The following MYO1D variants were observed in gnomAD, a reference collection of about 807,000 sequenced individuals.
The protein encoded by MYO1D is unconventional myosin-Id.
MYO1D carries 83 observed loss-of-function variants against 122.0 expected under a neutral mutation model. The ratio of observed to expected loss-of-function variants is 0.68; its 90% CI spans 0.57 to 0.82. The LOEUF (loss-of-function observed/expected upper bound fraction) is 0.82, where lower values mean the gene tolerates loss of function less well. MYO1D is among the 40% of genes least tolerant of loss of function. MYO1D has a pLI of 0.00. For synonymous variants in MYO1D, 464 were observed against 446.9 expected (o/e 1.04, Z -0.48); for missense variants, 1,157 against 1,269.5 (o/e 0.91, Z 1.35).
chr17:32,704,777 A>G (rs1471666109), intron 16 of MYO1D, among the ~76,000 whole-genome samples: 1 of 152,188 alleles, frequency 6.6e-6, no homozygotes, highest in Non-Finnish European at 1.5e-5. Flanking sequence ...GGAAATGCAG[A>G]TTGAGGAATC....
At chr17:32,530,950 T>C (rs1910491311) in intron 21 of MYO1D, among the ~76,000 whole-genome samples, 1 of 151,960 alleles carries the variant, frequency 6.6e-6, no homozygotes, top group African/African-American at 2.4e-5. Flanking sequence ...TTGAGTATAA[T>C]TGACATTGGT....
At chr17:32,629,175 A>G (rs570084050) in intron 20 of MYO1D, among the ~76,000 whole-genome samples, 2 of 152,354 alleles carry the variant, frequency 1.3e-5, no homozygotes, top group African/African-American at 4.8e-5. Flanking sequence ...AAAAGGCACA[A>G]CTGTAGAGAC....
At chr17:32,510,426 T>C (rs1393338665) in intron 21 of MYO1D, 1 of 152,268 alleles carries the variant, frequency 6.6e-6, no homozygotes, top group East Asian at 1.9e-4. Flanking sequence ...CCTTGGCCTT[T>C]GTCTGGCCAG....
chr17:32,808,318 T>A (rs1021591230), intron 1 of MYO1D, among the ~76,000 whole-genome samples: 1 of 149,016 alleles, frequency 6.7e-6, no homozygotes, highest in African/African-American at 2.5e-5. Flanking sequence ...GAGGCTGCAG[T>A]GAGATATGAT....
At position 32,765,011 on chromosome 17, in the gene MYO1D, G is replaced by A; in HGVS notation, c.902C>T (p.Ala301Val). The A allele has an allele frequency of 1.9e-6, 3 of 1,614,014 alleles. No individual in the cohort carries two copies. Among genetic ancestry groups the A allele is most frequent in the Non-Finnish European group, 2.5e-6 (3 of 1,179,914 alleles). Residue 301 changes from alanine to valine, a missense_variant, in exon 8 of 22, where the codon GCA (alanine) becomes GTA (valine). Physicochemically the swap from Ala to Val is moderately conservative, Grantham distance 64. Coordinates refer to ENST00000318217, the MANE Select transcript of MYO1D (RefSeq NM_015194.3). ...IENGKVVSII[A>V]ELLSTKTDMV... ...ATCTGTCTTAGTAGAGAGCAATTCT[G>A]CTATGATAGATACTACTTTGCCATT...
chr17:32,742,048 T>A (rs915937413), intron 13 of MYO1D, among the ~76,000 whole-genome samples: 28 of 151,258 alleles, frequency 1.9e-4, no homozygotes, highest in Non-Finnish European at 3.2e-4. Context: ...AAAAAAAAAA[T>A]TTTTTTTAAA....
chr17:32,558,433 A>G (rs890396808), intron 21 of MYO1D, among the ~76,000 whole-genome samples: 1 of 152,230 alleles, frequency 6.6e-6, no homozygotes, highest in Non-Finnish European at 1.5e-5. Context: ...TTTTCACTGC[A>G]GGATGAACAG....
chr17:32,621,275 C>T (rs1233859619), intron 20 of MYO1D, among the ~76,000 whole-genome samples: 6 of 152,036 alleles, frequency 3.9e-5, no homozygotes, highest in African/African-American at 9.7e-5. Flanking sequence ...CCTCCTCAAA[C>T]GTTTCCTTGT....
chr17:32,704,817 T>C (rs1598024450), intron 16 of MYO1D, among the ~76,000 whole-genome samples: 1 of 152,156 alleles, frequency 6.6e-6, no homozygotes, highest in East Asian at 1.9e-4. Context: ...CTATTACAAA[T>C]ATGCAATAAA....
intron 16 of MYO1D, among the ~76,000 whole-genome samples, chr17:32,707,228 A>G (rs2089320605): frequency 6.6e-6 from 1 of 152,168 alleles, no homozygotes; most frequent in Non-Finnish European, 1.5e-5. Context: ...TGGGCCAAGA[A>G]TATCAATAAG....
rs146943614 is a variant in MYO1D at position 32,831,055 on chromosome 17, C to T, written c.95+45723G>A. ...TGGGGGACAGTGCAAGACTCCGTCT[C>T]GAATAAAAAAAAATACTGACATGAG... On this transcript the variant is annotated intron_variant, in intron 1 of 21. Transcript: ENST00000318217. 8.2e-3 allele frequency among the ~76,000 whole-genome samples: 1,242 copies of T among 151,440 alleles called. 13 individuals are homozygous for T. The highest frequency in any genetic ancestry group is 0.011 in the Non-Finnish European group (729 of 67,908).
In MYO1D at chr17:32,775,928, T is replaced by G. The variant is rs770321988; in HGVS notation, c.500A>C (p.Asp167Ala). The change falls in exon 4 of 22, where the codon GAT (aspartate) becomes GCT (alanine). Residue 167 changes from aspartate to alanine, a missense_variant. Asp to Ala is a moderately radical substitution (Grantham distance 126). Coordinates refer to ENST00000318217, the MANE Select transcript of MYO1D (RefSeq NM_015194.3). ...GTCACCCTTGAAGTCAAAGTTGATA[T>G]CCATGTATTTTCCAAACCTGCTTGA... ...DNSSRFGKYM[D>A]INFDFKGDPI... 1 of 1,613,796 alleles carries G rather than the reference T, an allele frequency of 6.2e-7. No individual in the cohort carries two copies. The highest frequency in any genetic ancestry group is 8.5e-7 in the Non-Finnish European group (1 of 1,179,870).
intron 21 of MYO1D, among the ~76,000 whole-genome samples, chr17:32,507,332 A>G (rs1909534951): frequency 6.6e-6 from 1 of 152,152 alleles, no homozygotes; most frequent in Admixed American, 6.5e-5. Context: ...TGAGCCTGGG[A>G]GGTTGAGGCT....
At chr17:32,653,607 C>CAAAA (rs35172819) in intron 19 of MYO1D, among the ~76,000 whole-genome samples, 4 of 99,984 alleles carry the variant, frequency 4.0e-5, no homozygotes, top group East Asian at 2.9e-4. Context: ...ACTCCGTCTC[C>CAAAA]AAAAAAAAAA....
In MYO1D at chr17:32,687,353, C is replaced by A. The variant is rs34320233; in HGVS notation, c.2121+24635G>T. On this transcript the variant is annotated intron_variant, in intron 16 of 21. Coordinates refer to ENST00000318217, the MANE Select transcript of MYO1D (RefSeq NM_015194.3). ...CTGGGACTCCAGGCACCTGCCACCA[C>A]GCCCGGCTAATTTTTTGTATTTTTC... is the stretch of plus-strand genomic sequence containing the variant. Among the ~76,000 whole-genome samples the A allele has an allele frequency of 2.0e-5, 3 of 152,114 alleles. No individual in the cohort carries two copies. The South Asian group carries it at 6.2e-4, about 32-fold the overall frequency.
At chr17:32,711,498 T>G (rs529655642) in intron 16 of MYO1D, among the ~76,000 whole-genome samples, 1 of 151,814 alleles carries the variant, frequency 6.6e-6, no homozygotes, top group Admixed American at 6.6e-5. Context: ...ACACAAAAAT[T>G]AGCCAGGTGT....
intron 1 of MYO1D, among the ~76,000 whole-genome samples, chr17:32,822,690 C>T (rs949421153): frequency 2.7e-5 from 4 of 149,976 alleles, no homozygotes; most frequent in Admixed American, 2.0e-4. Context: ...GGCCCTCGCG[C>T]GTCCCTCCTC....
intron 1 of MYO1D, among the ~76,000 whole-genome samples, chr17:32,855,593 T>C (rs537655155): frequency 2.0e-5 from 3 of 152,320 alleles, no homozygotes; most frequent in Non-Finnish European, 4.4e-5. Context: ...TTTGTGTTTT[T>C]TCTTAGGTTT....
intron 5 of MYO1D, 143 bp from the exon 6 acceptor site, chr17:32,771,363 GT>G: frequency 1.8e-6 from 1 of 567,178 alleles, no homozygotes; most frequent in Non-Finnish European, 3.0e-6. Flanking sequence ...TTGCTTGTTT[GT>G]TTTTTTAAAC....
Sources: gnomAD v4.1 joint callset for allele counts (sites outside exome capture counted in the v4.1 genomes callset) on GRCh38, gnomAD v4.1.1 for gene constraint, MANE v1.5 for transcripts, NCBI Gene and HGNC (gene_info 2026-07-23, HGNC 2026-07-21) for gene names.